Variants in PRKDC observed in about 807,000 individuals in gnomAD.
The protein encoded by PRKDC is DNA-dependent protein kinase catalytic subunit.
In PRKDC, 82 loss-of-function variants were observed where a neutral mutation model predicts 486.9. The ratio of observed to expected loss-of-function variants is 0.17; its 90% confidence interval spans 0.14 to 0.20. The LOEUF (loss-of-function observed/expected upper bound fraction) is 0.20. Ranked by LOEUF, PRKDC falls within the 10% of genes least tolerant of loss-of-function variation. The pLI is 1.00. For synonymous variants in PRKDC, 1,895 were observed against 1,837.0 expected (o/e 1.03, Z -0.81); for missense variants, 4,504 against 5,038.2 (o/e 0.89, Z 3.21).
Position 47,794,422 on chromosome 8 carries a change from G to A in PRKDC, c.10538C>T (p.Ala3513Val), listed in dbSNP as rs1345377425. 6.2e-7 allele frequency: 1 copy of A among 1,613,750 alleles called. No homozygotes were observed. The highest frequency in any genetic ancestry group is 8.5e-7 in the Non-Finnish European group (1 of 1,179,632). Residue 3513 changes from alanine to valine, a missense_variant, in exon 74 of 86, where the codon GCT becomes GTT. By Grantham distance (64) the Ala-to-Val change is moderately conservative. This residue lies in a region of PRKDC where 706 missense variants were observed against 945.0 expected (regional missense o/e 0.75). Transcript: ENST00000314191. Reference sequence around the variant, plus strand: ...GATTTCTTCCACAGAGTGCTGAACAGCAACGGCTTGGTCTTTGTCCAGTAA... The same window carrying A: ...GATTTCTTCCACAGAGTGCTGAACAACAACGGCTTGGTCTTTGTCCAGTAA... ...VALLDKDQAV[A>V]VQHSVEEITD...
At chr8:47,819,986 C>G (rs2087548900) in intron 66 of PRKDC, among the ~76,000 whole-genome samples, 1 of 152,152 alleles carries the variant, frequency 6.6e-6, no homozygotes, top group African/African-American at 2.4e-5. Flanking sequence ...CACTTACAAA[C>G]AAACAACTGT....
At chr8:47,951,342 C>G (rs953065350) in intron 7 of PRKDC, among the ~76,000 whole-genome samples, 2 of 150,994 alleles carry the variant, frequency 1.3e-5, no homozygotes. Flanking sequence ...GCCTGGGCAA[C>G]AGAGTGAGAC....
At chr8:47,860,808 AATACTTTACTCCTCTATTTGTCT>A in intron 45 of PRKDC, 68 bp downstream of exon 45, 1 of 956,152 alleles carries the variant, frequency 1.0e-6, no homozygotes, top group South Asian at 1.7e-5. Flanking sequence ...TTACATAAAA[AATACTTTACTCCTCTATTTGTCT>A]TAGAACAAAA....
At position 47,890,753 on chromosome 8, in the gene PRKDC, A is replaced by G. The variant is rs184919142; in HGVS notation, c.3848-273T>C. Among the ~76,000 whole-genome samples, 324 of 152,332 alleles carry G rather than the reference A, an allele frequency of 2.1e-3. 1 individual carries two copies. The highest frequency in any genetic ancestry group is 7.6e-3 in the African/African-American group (315 of 41,576). On this transcript the variant is annotated intron_variant, in intron 31 of 85. Coordinates refer to ENST00000314191, the MANE Select transcript of PRKDC (RefSeq NM_006904.7). ...GCTCATTTTAAAGGGCAATTTGGCAATTCGTACCAAGTTTTTAAAAATATG... is the reference window on the plus strand; with the variant it reads ...GCTCATTTTAAAGGGCAATTTGGCAGTTCGTACCAAGTTTTTAAAAATATG...
intron 40 of PRKDC, among the ~76,000 whole-genome samples, chr8:47,872,106 T>A (rs532812756): frequency 1.7e-3 from 260 of 152,282 alleles, no homozygotes; most frequent in Middle Eastern, 0.01. Context: ...AAGGTATAAC[T>A]TGAAACAGCA....
intron 16 of PRKDC, among the ~76,000 whole-genome samples, 180 bp downstream of exon 16, chr8:47,932,840 A>G (rs1221302720): frequency 2.0e-5 from 3 of 152,226 alleles, no homozygotes. Context: ...ATCTAGTAAC[A>G]ACATTTTCTA....
At chr8:47,891,851 C>T (rs998889008) in intron 31 of PRKDC, among the ~76,000 whole-genome samples, 1 of 152,160 alleles carries the variant, frequency 6.6e-6, no homozygotes, top group South Asian at 2.1e-4. Flanking sequence ...CCAAATATGG[C>T]ACTTATTTAT....
chr8:47,930,463 G>A (rs1416046100), intron 17 of PRKDC, among the ~76,000 whole-genome samples: 2 of 152,046 alleles, frequency 1.3e-5, no homozygotes, highest in Non-Finnish European at 2.9e-5. Context: ...TAGTAGAGAT[G>A]GGGTTTCACC....
At position 47,852,742 on chromosome 8, in the gene PRKDC, A is replaced by G. The variant is rs55726602; in HGVS notation, c.6936T>C (p.Tyr2312=). The G allele has an allele frequency of 5.8e-4, 908 of 1,578,628 alleles. 10 individuals carry two copies. The South Asian group carries it at 8.3e-3, about 14-fold the overall frequency. Residue 2312 remains tyrosine, a synonymous_variant, in exon 52 of 86, where the codon TAT becomes TAC. Coordinates refer to ENST00000314191, the MANE Select transcript of PRKDC (RefSeq NM_006904.7). Reference sequence around the variant, plus strand: ...CTGCTGCAGCGGCATACACTTCTTTATATCTTACAAAGGACATATTATTCA... The same window carrying G: ...CTGCTGCAGCGGCATACACTTCTTTGTATCTTACAAAGGACATATTATTCA... ...ALVNNMSFVR[Y]KEVYAAAAEV...
intron 15 of PRKDC, 81 bp downstream of exon 15, chr8:47,933,884 C>T: frequency 2.2e-6 from 3 of 1,369,932 alleles, no homozygotes; most frequent in South Asian, 1.8e-5. Flanking sequence ...AAATATAATT[C>T]TGAAATAAGT....
chr8:47,793,133 C>CTCGG (rs2086910809), intron 74 of PRKDC, among the ~76,000 whole-genome samples: 2 of 152,230 alleles, frequency 1.3e-5, no homozygotes, highest in African/African-American at 2.4e-5. Flanking sequence ...ATTCTTCCAC[C>CTCGG]TCGGCCTCCC....
chr8:47,943,283 A>G lies in PRKDC; in HGVS notation c.892T>C (p.Leu298=), dbSNP rs373803344. 4 of 1,612,806 alleles carry G rather than the reference A, an allele frequency of 2.5e-6. No individual in the cohort carries two copies. The highest frequency in any genetic ancestry group is 3.4e-6 in the Non-Finnish European group (4 of 1,179,332). Residue 298 remains leucine, a synonymous_variant, in exon 10 of 86, where the codon TTA becomes CTA. Transcript: ENST00000314191. The part of the protein sequence containing the change: ...DNYVSLFEVL[L]KWCAHTNVEL... ...ACATTTGTGTGGGCACACCACTTTA[A>G]CAAGACTTCAAATAGAGACACGTAG...
At chr8:47,810,433 C>T (rs188601528) in intron 68 of PRKDC, among the ~76,000 whole-genome samples, 14 of 152,288 alleles carry the variant, frequency 9.2e-5, no homozygotes, top group African/African-American at 3.4e-4. Context: ...TAGGTAAAAA[C>T]AGTATACATA....
In PRKDC at chr8:47,782,100, C is replaced by T. The variant is rs548712553; in HGVS notation, c.11489+62G>A. On this transcript the variant is annotated intron_variant, in intron 80 of 85. Transcript: ENST00000314191. This position sits in a 1 kb window ranked among gnomAD's most constrained non-coding sequence, Gnocchi z 4.9. Reference sequence around the variant, plus strand: ...CGAGCGCGCCTGTCACGGCCCCGACCTGCCACTGGAGAAGTGAGGGGAGGC... The same window carrying T: ...CGAGCGCGCCTGTCACGGCCCCGACTTGCCACTGGAGAAGTGAGGGGAGGC... 9.7e-5 allele frequency: 144 copies of T among 1,485,840 alleles called. 1 individual carries two copies. The South Asian group carries it at 1.2e-3, about 13-fold the overall frequency. 92.0% of individuals were successfully genotyped at this position (1,485,840 alleles called of 1,614,324 possible).
At position 47,863,501 on chromosome 8, in the gene PRKDC, C is replaced by A; in HGVS notation, c.5648G>T (p.Arg1883Leu). 6.2e-7 allele frequency: 1 copy of A among 1,612,198 alleles called. No homozygotes were observed. The highest frequency in any genetic ancestry group is 8.5e-7 in the Non-Finnish European group (1 of 1,178,878). The change falls in exon 42 of 86, where the codon CGC becomes CTC. Residue 1883 changes from arginine (R) to leucine (L), a missense_variant. By Grantham distance (102) the Arg-to-Leu change is moderately radical. This residue lies in a region of PRKDC where 80 missense variants were observed against 132.3 expected (regional missense o/e 0.60). Transcript: ENST00000314191. ...YYKILDVMYS[R>L]LPKDDVHAKE... ...AGCATGAACATCATCTTTGGGAAGG[C>A]GAGAATACATCACGTCTAGAATCTT...
At chr8:47,832,419 C>A (rs573700615) in intron 59 of PRKDC, among the ~76,000 whole-genome samples, 16 of 152,180 alleles carry the variant, frequency 1.1e-4, no homozygotes, top group African/African-American at 3.9e-4. Flanking sequence ...CAAATATGAA[C>A]AACACAAGCC....
At chr8:47,885,007 C>T (rs1041463067) in intron 36 of PRKDC, among the ~76,000 whole-genome samples, 3 of 152,204 alleles carry the variant, frequency 2.0e-5, no homozygotes, top group Non-Finnish European at 4.4e-5. Flanking sequence ...GGCCCCAGGA[C>T]GGGTTTGTAA....
chr8:47,916,989 G>GCACACA (rs1439423506), intron 22 of PRKDC, among the ~76,000 whole-genome samples: 1 of 152,106 alleles, frequency 6.6e-6, no homozygotes, highest in African/African-American at 2.4e-5. Flanking sequence ...AAGCACAGTG[G>GCACACA]CACACGTCTG....
At chr8:47,785,703 T>G (rs1338725935) in intron 76 of PRKDC, among the ~76,000 whole-genome samples, 1 of 151,950 alleles carries the variant, frequency 6.6e-6, no homozygotes, top group Non-Finnish European at 1.5e-5. Flanking sequence ...GCCACTGCAC[T>G]CCAGCCTGGG....
Sources: allele counts gnomAD v4.1 joint callset (sites outside exome capture counted in the v4.1 genomes callset), GRCh38; gene constraint gnomAD v4.1.1; regional missense constraint gnomAD v4.1.1; non-coding constraint Gnocchi (gnomAD v3.1); transcripts MANE v1.5; gene names NCBI Gene and HGNC (gene_info 2026-07-23, HGNC 2026-07-21).